The following DSCAML1 variants were observed in gnomAD, a reference collection of about 807,000 sequenced individuals.
DSCAML1 encodes the protein cell adhesion molecule DSCAML1.
A neutral mutation model predicts 200.5 loss-of-function variants in DSCAML1; 38 were observed. That is an observed-to-expected ratio of 0.19 (90% CI 0.15 to 0.25). DSCAML1 has a LOEUF of 0.25. DSCAML1 is among the 10% of genes least tolerant of loss of function. DSCAML1 has a pLI of 1.00. For synonymous variants in DSCAML1, 1,215 were observed against 1,165.0 expected (o/e 1.04, Z -0.87); for missense variants, 2,223 against 2,858.8 (o/e 0.78, Z 5.07).
At chr11:117,768,507 G>A (rs891334110) in intron 3 of DSCAML1, among the ~76,000 whole-genome samples, 8 of 152,146 alleles carry the variant, frequency 5.3e-5, no homozygotes, top group Admixed American at 1.3e-4. Flanking sequence ...GAGCACAGGT[G>A]GTGAGTAATG....
intron 3 of DSCAML1, among the ~76,000 whole-genome samples, chr11:117,545,842 A>G (rs1398667913): frequency 1.3e-5 from 2 of 152,228 alleles, no homozygotes; most frequent in Non-Finnish European, 2.9e-5. Flanking sequence ...TCCCCCGTGG[A>G]GGAAACCGAA....
intron 1 of DSCAML1, among the ~76,000 whole-genome samples, chr11:117,795,948 G>C (rs908525423): frequency 7.9e-5 from 12 of 152,236 alleles, no homozygotes; most frequent in African/African-American, 2.7e-4. Context: ...AGAAAAGTTA[G>C]AGGGCTGAAC....
chr11:117,764,977 C>A (rs559878969), intron 3 of DSCAML1, among the ~76,000 whole-genome samples: 6 of 152,340 alleles, frequency 3.9e-5, no homozygotes, highest in African/African-American at 1.4e-4. Flanking sequence ...CCACCCACTT[C>A]GACAGGCCCT....
chr11:117,596,573 C>T (rs2051365464), intron 3 of DSCAML1, among the ~76,000 whole-genome samples: 2 of 152,092 alleles, frequency 1.3e-5, no homozygotes, highest in South Asian at 2.1e-4. Context: ...ATAATCAGCA[C>T]GTCCCTCATT....
At chr11:117,449,343 G>A (rs1305811022) in intron 20 of DSCAML1, among the ~76,000 whole-genome samples, 1 of 152,282 alleles carries the variant, frequency 6.6e-6, no homozygotes, top group African/African-American at 2.4e-5. Context: ...TTTGCTGCAT[G>A]TGAGGTAGTG....
intron 3 of DSCAML1, among the ~76,000 whole-genome samples, chr11:117,551,346 A>G (rs1289251203): frequency 1.3e-5 from 2 of 152,184 alleles, no homozygotes; most frequent in Non-Finnish European, 2.9e-5. Flanking sequence ...GGCTTTTCCC[A>G]CAATCCTGCC....
intron 3 of DSCAML1, among the ~76,000 whole-genome samples, chr11:117,651,386 C>T (rs1591363775): frequency 6.6e-6 from 1 of 152,210 alleles, no homozygotes; most frequent in South Asian, 2.1e-4. Context: ...TGAGCCCTGG[C>T]TACATCTCCA....
chr11:117,622,054 A>T (rs1281749444), intron 3 of DSCAML1, among the ~76,000 whole-genome samples: 5 of 152,254 alleles, frequency 3.3e-5, no homozygotes, highest in African/African-American at 4.8e-5. Flanking sequence ...TGTTTGCTGG[A>T]TGAATAAATG....
chr11:117,665,510 G>C (rs1015475812), intron 3 of DSCAML1, among the ~76,000 whole-genome samples: 2 of 152,156 alleles, frequency 1.3e-5, no homozygotes, highest in Admixed American at 6.5e-5. Flanking sequence ...ATATGATTTT[G>C]GCAGTCTACT....
At chr11:117,707,994 G>C (rs1296696061) in intron 3 of DSCAML1, among the ~76,000 whole-genome samples, 1 of 152,196 alleles carries the variant, frequency 6.6e-6, no homozygotes. Flanking sequence ...ACCAAGACAT[G>C]AAGACTGCAT....
At chr11:117,743,360 T>C (rs368755239) in intron 3 of DSCAML1, among the ~76,000 whole-genome samples, 2 of 152,278 alleles carry the variant, frequency 1.3e-5, no homozygotes, top group African/African-American at 4.8e-5. Flanking sequence ...TGCACACACA[T>C]GAGCAATAGT....
chr11:117,536,531 G>A (rs2050174419), intron 3 of DSCAML1, among the ~76,000 whole-genome samples: 1 of 152,232 alleles, frequency 6.6e-6, no homozygotes, highest in Admixed American at 6.5e-5. Flanking sequence ...GGGGAGGTGG[G>A]ACATTTGGGG....
At chr11:117,757,598 AC>A in intron 3 of DSCAML1, among the ~76,000 whole-genome samples, 1 of 151,602 alleles carries the variant, frequency 6.6e-6, no homozygotes, top group African/African-American at 2.4e-5. Context: ...ACACACACAC[AC>A]ACACACACAC....
intron 3 of DSCAML1, among the ~76,000 whole-genome samples, chr11:117,676,718 G>C (rs1010667973): frequency 2.0e-5 from 3 of 152,232 alleles, no homozygotes; most frequent in Admixed American, 6.5e-5. Context: ...GTGTGGGTGG[G>C]AGCTTCACTT....
chr11:117,756,400 T>C (rs1565265537), intron 3 of DSCAML1, among the ~76,000 whole-genome samples: 2 of 151,886 alleles, frequency 1.3e-5, no homozygotes, highest in Non-Finnish European at 2.9e-5. Flanking sequence ...AGAGCAGAGA[T>C]AGAGAAGCAT....
At chr11:117,781,946 G>A (rs1443226353) in intron 1 of DSCAML1, among the ~76,000 whole-genome samples, 1 of 152,224 alleles carries the variant, frequency 6.6e-6, no homozygotes, top group Non-Finnish European at 1.5e-5. Context: ...ATCAAGGGGT[G>A]TCCCCCTTCC....
intron 14 of DSCAML1, among the ~76,000 whole-genome samples, chr11:117,474,564 A>G (rs992300498): frequency 6.6e-6 from 1 of 152,086 alleles, no homozygotes; most frequent in African/African-American, 2.4e-5. Context: ...TTGACGGCTC[A>G]TCTTGGATGT....
At chr11:117,736,985 A>G (rs2054328077) in intron 3 of DSCAML1, among the ~76,000 whole-genome samples, 1 of 152,140 alleles carries the variant, frequency 6.6e-6, no homozygotes, top group South Asian at 2.1e-4. Context: ...ACAGGGGGCA[A>G]ACGAGACCAC....
At chr11:117,540,537 T>C (rs542164613) in intron 3 of DSCAML1, among the ~76,000 whole-genome samples, 141 of 152,194 alleles carry the variant, frequency 9.3e-4, no homozygotes, top group African/African-American at 3.3e-3. Context: ...ATGATTAAGA[T>C]GGTAAATTTT....
Sources: allele counts gnomAD v4.1 joint callset (sites outside exome capture counted in the v4.1 genomes callset), GRCh38; gene constraint gnomAD v4.1.1; transcripts MANE v1.5; gene names NCBI Gene and HGNC (gene_info 2026-07-23, HGNC 2026-07-21).